Variants in RALGPS1 observed in about 807,000 individuals in gnomAD.
RALGPS1 encodes the protein Ral GEF with PH domain and SH3 binding motif 1.
A neutral mutation model predicts 78.8 loss-of-function variants in RALGPS1; 19 were observed. The ratio of observed to expected loss-of-function variants is 0.24; its 90% CI spans 0.17 to 0.35. The LOEUF is 0.35. Ranked by LOEUF, RALGPS1 falls within the 10% of genes least tolerant of loss-of-function variation. RALGPS1 has a pLI of 1.00. For missense variants in RALGPS1, 454 were observed against 688.3 expected (o/e 0.66, Z 3.81); for synonymous variants, 228 against 256.3 (o/e 0.89, Z 1.06).
At chr9:127,176,476 A>G (rs368523475) in intron 11 of RALGPS1, among the ~76,000 whole-genome samples, 10 of 152,340 alleles carry the variant, frequency 6.6e-5, no homozygotes, top group African/African-American at 2.4e-4. Context: ...GTTAAGAGCT[A>G]CAGAAGGAAT....
At chr9:127,123,657 G>A (rs2056366491) in intron 8 of RALGPS1, among the ~76,000 whole-genome samples, 1 of 152,224 alleles carries the variant, frequency 6.6e-6, no homozygotes, top group African/African-American at 2.4e-5. Context: ...CATGGAGCCA[G>A]CCGCATAGGT....
chr9:127,058,764 C>T (rs1446508461), intron 7 of RALGPS1, among the ~76,000 whole-genome samples: 4 of 152,298 alleles, frequency 2.6e-5, no homozygotes, highest in Non-Finnish European at 5.9e-5. Context: ...AGACATGCCA[C>T]GTGTGCGCAT....
intron 1 of RALGPS1, among the ~76,000 whole-genome samples, chr9:126,938,004 A>G (rs1268972676): frequency 6.6e-6 from 1 of 152,198 alleles, no homozygotes; most frequent in Admixed American, 6.5e-5. Context: ...GGGAATCTGA[A>G]TTGTTCAACT....
chr9:127,032,273 G>T (rs371617664), intron 4 of RALGPS1, among the ~76,000 whole-genome samples: 1 of 152,146 alleles, frequency 6.6e-6, no homozygotes. Flanking sequence ...CTGACCCTGG[G>T]GTCCACACTG....
At chr9:127,144,979 TGGG>T (rs2058015980) in intron 8 of RALGPS1, among the ~76,000 whole-genome samples, 2 of 152,160 alleles carry the variant, frequency 1.3e-5, no homozygotes, top group South Asian at 4.1e-4. Context: ...AATTTTATGG[TGGG>T]TGTATTTGGC....
At chr9:127,202,737 T>A (rs2061702359) in intron 14 of RALGPS1, among the ~76,000 whole-genome samples, 1 of 152,130 alleles carries the variant, frequency 6.6e-6, no homozygotes, top group Non-Finnish European at 1.5e-5. Context: ...GCCAGGGCCC[T>A]CAGGAACCAG....
chr9:127,216,813 C>A (rs2062607766), intron 18 of RALGPS1: 2 of 1,202,168 alleles, frequency 1.7e-6, no homozygotes, highest in Non-Finnish European at 2.2e-6. Context: ...CTCCTCCATA[C>A]TGGTCACACC....
intron 4 of RALGPS1, among the ~76,000 whole-genome samples, chr9:127,020,495 G>A (rs2045339857): frequency 6.6e-6 from 1 of 152,142 alleles, no homozygotes; most frequent in African/African-American, 2.4e-5. Flanking sequence ...ATAAATTAAG[G>A]GACAAACTAC....
chr9:127,097,417 GC>G (rs1191278495), intron 8 of RALGPS1, among the ~76,000 whole-genome samples: 1 of 152,180 alleles, frequency 6.6e-6, no homozygotes, highest in Non-Finnish European at 1.5e-5. Context: ...TGACAATCAG[GC>G]CCCATTAGCT....
intron 4 of RALGPS1, among the ~76,000 whole-genome samples, chr9:126,990,520 G>T (rs1588877715): frequency 6.6e-6 from 1 of 152,284 alleles, no homozygotes; most frequent in East Asian, 1.9e-4. Flanking sequence ...ACTCTCTCCT[G>T]CTCCAGTTCA....
chr9:126,941,153 C>T lies in RALGPS1; in HGVS notation c.-65-21072C>T, dbSNP rs185391456. Among the ~76,000 whole-genome samples the T allele has an allele frequency of 9.0e-3, 1,328 of 147,028 alleles. 22 individuals are homozygous for T. The highest frequency in any genetic ancestry group is 0.031 in the African/African-American group (1,260 of 40,880). ...ACGCCCCCCCCCTTTAAAATTATGACTTCGTCTAGTTGTGGGGGGGGGTTG... is the reference window on the plus strand; with the variant it reads ...ACGCCCCCCCCCTTTAAAATTATGATTTCGTCTAGTTGTGGGGGGGGGTTG... On this transcript the variant is annotated intron_variant, in intron 1 of 18. Transcript: ENST00000259351.
chr9:126,941,023 C>G (rs1564282976), intron 1 of RALGPS1, among the ~76,000 whole-genome samples: 1 of 152,104 alleles, frequency 6.6e-6, no homozygotes. Context: ...GTGATATTAA[C>G]AGTTTAGTGA....
chr9:127,170,463 A>G (rs1191226409), intron 10 of RALGPS1, among the ~76,000 whole-genome samples: 1 of 152,256 alleles, frequency 6.6e-6, no homozygotes, highest in Non-Finnish European at 1.5e-5. Context: ...TCTGTTACCC[A>G]ATAGTAACAA....
Position 127,198,301 on chromosome 9 carries a change from C to T in RALGPS1, c.1196-714C>T, listed in dbSNP as rs3780321. On this transcript the variant is annotated intron_variant, in intron 13 of 18. Transcript: ENST00000259351. Reference sequence around the variant, plus strand: ...TCCCTCCCCCTTTCCCAGTGCTCAGCCTTGGTGCTCTTTCAGGCAAAGAGC... The same window carrying T: ...TCCCTCCCCCTTTCCCAGTGCTCAGTCTTGGTGCTCTTTCAGGCAAAGAGC... 7.9e-5 allele frequency among the ~76,000 whole-genome samples: 12 copies of T among 152,260 alleles called. No homozygotes were observed. The East Asian group carries it at 1.9e-3, about 25-fold the overall frequency.
At chr9:127,097,114 G>A (rs1416524) in intron 8 of RALGPS1, among the ~76,000 whole-genome samples, 3,707 of 152,154 alleles carry the variant, frequency 0.024, 55 homozygotes, top group Middle Eastern at 0.048. Flanking sequence ...GTCAGCCAGC[G>A]AAAAAAATAA....
At chr9:126,934,509 T>A (rs1416873047) in intron 1 of RALGPS1, among the ~76,000 whole-genome samples, 1 of 152,104 alleles carries the variant, frequency 6.6e-6, no homozygotes, top group Non-Finnish European at 1.5e-5. Context: ...CAGAGAAACC[T>A]CCTGTCAAGC....
intron 14 of RALGPS1, among the ~76,000 whole-genome samples, chr9:127,201,351 G>A (rs1167947981): frequency 6.6e-6 from 1 of 152,234 alleles, no homozygotes; most frequent in Non-Finnish European, 1.5e-5. Context: ...GCTGAGGGGA[G>A]CAGGGGGCCA....
chr9:127,022,802 T>A (rs1470475147), intron 4 of RALGPS1, among the ~76,000 whole-genome samples: 1 of 152,218 alleles, frequency 6.6e-6, no homozygotes, highest in Non-Finnish European at 1.5e-5. Flanking sequence ...CAGACAGGCC[T>A]GCTGAGACAT....
chr9:126,930,200 G>A (rs1174020337), intron 1 of RALGPS1, among the ~76,000 whole-genome samples: 1 of 148,964 alleles, frequency 6.7e-6, no homozygotes. Context: ...AAACTCCAAA[G>A]CCCCATTGTT....
Sources: gnomAD v4.1 joint callset for allele counts (sites outside exome capture counted in the v4.1 genomes callset) on GRCh38, gnomAD v4.1.1 for gene constraint, MANE v1.5 for transcripts, NCBI Gene and HGNC (gene_info 2026-07-23, HGNC 2026-07-21) for gene names.